BPNT2: variants seen among roughly 807,000 people sequenced by gnomAD.
BPNT2 encodes the protein 3'(2'), 5'-bisphosphate nucleotidase 2.
BPNT2 carries 11 observed loss-of-function variants against 29.3 expected under a neutral mutation model. That is an observed-to-expected ratio of 0.38 (90% CI 0.24 to 0.62). The LOEUF (loss-of-function observed/expected upper bound fraction) is 0.62. BPNT2 is among the 20% of genes least tolerant of loss of function. The pLI, the probability that BPNT2 is intolerant of heterozygous loss-of-function variation, is 0.62. For missense variants in BPNT2, 459 were observed against 473.4 expected, an observed-to-expected ratio of 0.97 and a Z score of 0.28; for synonymous variants, 195 against 187.7, an observed-to-expected ratio of 1.04 and a Z score of -0.32.
chr8:56,992,472 C>A (rs1007072071), intron 1 of BPNT2, among the ~76,000 whole-genome samples: 13 of 152,134 alleles, frequency 8.5e-5, no homozygotes, highest in Non-Finnish European at 1.8e-4. Flanking sequence ...GTCTGGATTT[C>A]CTTAAGAAAA....
intron 3 of BPNT2, among the ~76,000 whole-genome samples, chr8:56,968,350 A>G (rs536079855): frequency 6.6e-6 from 1 of 152,144 alleles, no homozygotes; most frequent in Non-Finnish European, 1.5e-5. Context: ...AAGTGAAACA[A>G]GTAAACAGAT....
At chr8:56,984,642 G>A (rs1192402936) in intron 1 of BPNT2, among the ~76,000 whole-genome samples, 1 of 152,102 alleles carries the variant, frequency 6.6e-6, no homozygotes, top group Non-Finnish European at 1.5e-5. Context: ...AAACTGCTTT[G>A]GACATTGGGA....
At chr8:56,985,273 C>T (rs530766672) in intron 1 of BPNT2, among the ~76,000 whole-genome samples, 1 of 152,162 alleles carries the variant, frequency 6.6e-6, no homozygotes, top group East Asian at 1.9e-4. Context: ...TCAATAAATA[C>T]ATCTTAACTG....
intron 1 of BPNT2, among the ~76,000 whole-genome samples, chr8:56,980,921 T>C (rs1235134204): frequency 6.6e-6 from 1 of 151,130 alleles, no homozygotes; most frequent in Non-Finnish European, 1.5e-5. Flanking sequence ...ATATAACATA[T>C]ATATACATGT....
At chr8:56,977,654 G>A (rs1806164320) in intron 3 of BPNT2, among the ~76,000 whole-genome samples, 1 of 152,122 alleles carries the variant, frequency 6.6e-6, no homozygotes, top group Non-Finnish European at 1.5e-5. Context: ...TCACACTAGA[G>A]TAGGGTGGGC....
chr8:56,971,959 G>A (rs1410498919), intron 3 of BPNT2, among the ~76,000 whole-genome samples: 1 of 151,944 alleles, frequency 6.6e-6, no homozygotes, highest in Non-Finnish European at 1.5e-5. Flanking sequence ...GCCGGGCGTG[G>A]TGTCAGGCAT....
intron 1 of BPNT2, among the ~76,000 whole-genome samples, chr8:56,984,817 C>T (rs1444680320): frequency 6.6e-6 from 1 of 152,170 alleles, no homozygotes; most frequent in African/African-American, 2.4e-5. Flanking sequence ...TCATAATCTA[C>T]AACATTAAGT....
intron 1 of BPNT2, among the ~76,000 whole-genome samples, chr8:56,992,404 T>G (rs11985431): frequency 0.035 from 5,402 of 152,212 alleles, 136 homozygotes; most frequent in East Asian, 0.13. Context: ...TTTATTCAAC[T>G]CAATAGCAGC....
At chr8:56,981,988 GA>G in intron 1 of BPNT2, among the ~76,000 whole-genome samples, 1 of 152,154 alleles carries the variant, frequency 6.6e-6, no homozygotes, top group East Asian at 1.9e-4. Flanking sequence ...GAAAGTTGCA[GA>G]GACACAGACA....
At position 56,980,819 on chromosome 8, in the gene BPNT2, T is replaced by TACACACACACACAC. The variant is rs71258552; in HGVS notation, c.388-636_388-623dup. On this transcript the variant is annotated intron_variant, in intron 1 of 4. Transcript: ENST00000262644. Reference sequence around the variant, plus strand: ...CCCCACACCCTTACATACATACATATACACACACACACACACACACACACA... The same window carrying TACACACACACACAC: ...CCCCACACCCTTACATACATACATATACACACACACACACACACACACACACACACACACACACA... Among the ~76,000 whole-genome samples, 316 of 141,498 alleles carry TACACACACACACAC rather than the reference T, an allele frequency of 2.2e-3. 1 individual carries two copies. The highest frequency in any genetic ancestry group is 0.015 in the East Asian group (72 of 4,830). 92.8% of individuals were successfully genotyped at this position (141,498 alleles called of 152,430 possible).
At position 56,963,541 on chromosome 8, in the gene BPNT2, T is replaced by C. The variant is rs1805879840; in HGVS notation, c.*252A>G. Reference sequence around the variant, plus strand: ...ACAGATTTTAATTCACAAATATATATATGCGCCTTGTGTATGACAACTGTA... The same window carrying C: ...ACAGATTTTAATTCACAAATATATACATGCGCCTTGTGTATGACAACTGTA... On this transcript the variant is annotated 3_prime_UTR_variant, in exon 5 of 5. Transcript: ENST00000262644. 2 of 478,538 alleles carry C rather than the reference T, an allele frequency of 4.2e-6. No individual in the cohort carries two copies. Among genetic ancestry groups the C allele is most frequent in the South Asian group, 2.8e-5 (1 of 35,654 alleles). 29.6% of individuals were successfully genotyped at this position (478,538 alleles called of 1,614,324 possible).
At chr8:56,977,754 G>A (rs905054445) in intron 3 of BPNT2, among the ~76,000 whole-genome samples, 10 of 148,348 alleles carry the variant, frequency 6.7e-5, no homozygotes, top group Admixed American at 2.7e-4. Flanking sequence ...GGCAGACACT[G>A]GAATAAACAC....
chr8:56,970,042 T>C (rs1047624912), intron 3 of BPNT2, among the ~76,000 whole-genome samples: 5 of 152,306 alleles, frequency 3.3e-5, no homozygotes, highest in African/African-American at 1.2e-4. Context: ...CTAATATATG[T>C]AGAAACAACA....
At chr8:56,965,421 T>G (rs1175948592) in intron 4 of BPNT2, among the ~76,000 whole-genome samples, 1 of 152,222 alleles carries the variant, frequency 6.6e-6, no homozygotes, top group African/African-American at 2.4e-5. Flanking sequence ...CTGACCATAA[T>G]TTGCTATTAA....
intron 1 of BPNT2, among the ~76,000 whole-genome samples, chr8:56,981,436 G>A (rs1253565910): frequency 6.6e-6 from 1 of 152,020 alleles, no homozygotes; most frequent in Non-Finnish European, 1.5e-5. Context: ...ATGGTGGTGC[G>A]TGCCTGTAGT....
At chr8:56,970,206 C>T (rs1244875278) in intron 3 of BPNT2, among the ~76,000 whole-genome samples, 1 of 152,134 alleles carries the variant, frequency 6.6e-6, no homozygotes, top group Non-Finnish European at 1.5e-5. Flanking sequence ...GAGATCAGGT[C>T]ATGAACACTT....
chr8:56,988,532 T>C (rs1806362116), intron 1 of BPNT2, among the ~76,000 whole-genome samples: 1 of 152,276 alleles, frequency 6.6e-6, no homozygotes, highest in Non-Finnish European at 1.5e-5. Context: ...TAAAGGTTGG[T>C]TGCTACTATT....
chr8:56,980,705 T>C (rs1337982668), intron 1 of BPNT2, among the ~76,000 whole-genome samples: 1 of 151,066 alleles, frequency 6.6e-6, no homozygotes, highest in East Asian at 1.9e-4. Context: ...TGTAAGGATG[T>C]GGGGTAAGGA....
intron 1 of BPNT2, among the ~76,000 whole-genome samples, chr8:56,985,812 G>A (rs1197090169): frequency 6.6e-6 from 1 of 152,112 alleles, no homozygotes; most frequent in Non-Finnish European, 1.5e-5. Context: ...CTTCCCATGT[G>A]CCTTGTAGTT....
Sources: gnomAD v4.1 joint callset for allele counts (sites outside exome capture counted in the v4.1 genomes callset) on GRCh38, gnomAD v4.1.1 for gene constraint, MANE v1.5 for transcripts, NCBI Gene and HGNC (gene_info 2026-07-23, HGNC 2026-07-21) for gene names.